Variants in MAP2K5 observed in about 807,000 individuals in gnomAD.
MAP2K5 encodes dual specificity mitogen-activated protein kinase kinase 5.
In MAP2K5, 49 loss-of-function variants were observed where a neutral mutation model predicts 83.1. That is an observed-to-expected ratio of 0.59 (90% CI 0.47 to 0.75). The LOEUF is 0.75. MAP2K5 is among the 30% of genes least tolerant of loss of function. The pLI is 0.00. For synonymous variants in MAP2K5, 202 were observed against 191.8 expected (o/e 1.05, Z -0.44); for missense variants, 457 against 557.5 (o/e 0.82, Z 1.82).
chr15:67,564,754 A>G (rs149742756), intron 3 of MAP2K5, among the ~76,000 whole-genome samples: 5 of 152,362 alleles, frequency 3.3e-5, no homozygotes, highest in African/African-American at 1.2e-4. Context: ...TGAGAATGTG[A>G]CATGCTTATT....
At chr15:67,679,614 A>T (rs1307319018) in intron 13 of MAP2K5, 1 of 152,200 alleles carries the variant, frequency 6.6e-6, no homozygotes, top group Non-Finnish European at 1.5e-5. Flanking sequence ...GGCCTAGAGC[A>T]TATCAGTTCT....
chr15:67,627,648 A>G (rs1287465037), intron 8 of MAP2K5, among the ~76,000 whole-genome samples: 1 of 152,242 alleles, frequency 6.6e-6, no homozygotes, highest in Non-Finnish European at 1.5e-5. Context: ...TCATTTCTAT[A>G]AGTCAGTCAC....
At chr15:67,716,523 AG>A (rs2088829819) in intron 16 of MAP2K5, among the ~76,000 whole-genome samples, 1 of 152,206 alleles carries the variant, frequency 6.6e-6, no homozygotes, top group Non-Finnish European at 1.5e-5. Context: ...TGAGATATCC[AG>A]TGGTAAAAAC....
At chr15:67,752,604 G>C (rs1477066687) in intron 19 of MAP2K5, among the ~76,000 whole-genome samples, 1 of 151,736 alleles carries the variant, frequency 6.6e-6, no homozygotes, top group Non-Finnish European at 1.5e-5. Flanking sequence ...CTTGAACCCA[G>C]GAGGTGGAGG....
chr15:67,578,720 T>G (rs1243693290), intron 3 of MAP2K5, among the ~76,000 whole-genome samples: 1 of 152,154 alleles, frequency 6.6e-6, no homozygotes, highest in Non-Finnish European at 1.5e-5. Flanking sequence ...CCAGTTGATT[T>G]GGCACAGACC....
intron 19 of MAP2K5, among the ~76,000 whole-genome samples, chr15:67,753,701 A>G (rs34001961): frequency 2.0e-5 from 3 of 151,934 alleles, no homozygotes; most frequent in Non-Finnish European, 4.4e-5. Context: ...ACAGAAAATA[A>G]CAATTGGTGA....
intron 13 of MAP2K5, among the ~76,000 whole-genome samples, chr15:67,683,889 AC>A (rs1389655261): frequency 6.6e-6 from 1 of 152,228 alleles, no homozygotes. Context: ...TTATCTTCAA[AC>A]TTTAGACAAC....
At chr15:67,611,464 A>C (rs763077003) in intron 8 of MAP2K5, among the ~76,000 whole-genome samples, 1 of 152,172 alleles carries the variant, frequency 6.6e-6, no homozygotes, top group African/African-American at 2.4e-5. Context: ...TGGAGTCTCA[A>C]GTGAAATGTT....
At position 67,734,838 on chromosome 15, in the gene MAP2K5, GA is replaced by G. The variant is rs748026087; in HGVS notation, c.1074+6899del. 1.7e-3 allele frequency among the ~76,000 whole-genome samples: 251 copies of G among 152,106 alleles called. 1 individual carries two copies. The highest frequency in any genetic ancestry group is 0.014 in the Middle Eastern group (4 of 294). ...TTTGTATGTGAGGTCTTTAATCAAG[GA>G]AAAAATAGCAATGAGTAATCACCCC... On this transcript the variant is annotated intron_variant, in intron 17 of 21. Coordinates refer to ENST00000178640, the MANE Select transcript of MAP2K5 (RefSeq NM_145160.3).
Position 67,746,256 on chromosome 15 carries a change from A to G in MAP2K5, c.1075-1975A>G, listed in dbSNP as rs975199896. On this transcript the variant is annotated intron_variant, in intron 17 of 21. Coordinates refer to ENST00000178640, the MANE Select transcript of MAP2K5 (RefSeq NM_145160.3). The surrounding 1 kb of genome is among the most constrained non-coding windows in gnomAD (Gnocchi z 4.1). ...ATAATCCATTTCTGAATTCATTTCA[A>G]AACCTCTCACTTAGAATGTTTGCTG... Among the ~76,000 whole-genome samples, 13 of 152,204 alleles carry G rather than the reference A, an allele frequency of 8.5e-5. No homozygotes were observed. Among genetic ancestry groups the G allele is most frequent in the African/African-American group, 2.9e-4 (12 of 41,456 alleles).
At chr15:67,611,789 T>C (rs1008921992) in intron 8 of MAP2K5, among the ~76,000 whole-genome samples, 1 of 152,200 alleles carries the variant, frequency 6.6e-6, no homozygotes, top group Non-Finnish European at 1.5e-5. Context: ...ATTTTGGCTC[T>C]AAGAGGAGCT....
Position 67,668,874 on chromosome 15 carries a change from C to T in MAP2K5, c.847+4229C>T, listed in dbSNP as rs2087453910. The stretch of plus-strand genomic sequence containing the variant: ...CCAGGAGTTTTTTTGTATATATGAA[C>T]CTGGTTAGTTTCATTTACTTTCTCC... On this transcript the variant is annotated intron_variant, in intron 13 of 21. Transcript: ENST00000178640. This position sits in a 1 kb window ranked among gnomAD's most constrained non-coding sequence, Gnocchi z 4.0. Among the ~76,000 whole-genome samples, 1 of 150,882 alleles carries T rather than the reference C, an allele frequency of 6.6e-6. No individual in the cohort carries two copies. The highest frequency in any genetic ancestry group is 2.4e-5 in the African/African-American group (1 of 41,074).
chr15:67,733,661 A>G (rs1419411590), intron 17 of MAP2K5, among the ~76,000 whole-genome samples: 1 of 152,240 alleles, frequency 6.6e-6, no homozygotes, highest in African/African-American at 2.4e-5. Flanking sequence ...ATAGAGATCT[A>G]CTTTACTTAA....
intron 19 of MAP2K5, among the ~76,000 whole-genome samples, chr15:67,762,881 T>C (rs1293568980): frequency 6.6e-6 from 1 of 152,164 alleles, no homozygotes; most frequent in Non-Finnish European, 1.5e-5. Flanking sequence ...TTCAGGCCTT[T>C]ACCCCGTGGT....
At chr15:67,773,401 G>A (rs2090178636) in intron 21 of MAP2K5, among the ~76,000 whole-genome samples, 1 of 152,176 alleles carries the variant, frequency 6.6e-6, no homozygotes, top group South Asian at 2.1e-4. Context: ...TTAGGATCGA[G>A]CATTAGTAAA....
rs78945981 is a variant in MAP2K5, at chr15:67,592,912, T to C, written c.432-14T>C. 1.6e-3 allele frequency: 2,623 copies of C among 1,600,084 alleles called. 33 individuals carry two copies. In the African/African-American group the frequency reaches 0.031, roughly 19 times the overall value. ...TTGATGATCTTGCCACTAAAAATTA[T>C]CTTTCCTTTTCAGCTTAAAGAAGTC... On this transcript the variant is annotated splice_polypyrimidine_tract_variant and intron_variant, in intron 6 of 21. Coordinates refer to ENST00000178640, the MANE Select transcript of MAP2K5 (RefSeq NM_145160.3).
At chr15:67,547,077 A>AACACACACACACACAC (rs59269114) in intron 1 of MAP2K5, among the ~76,000 whole-genome samples, 6,699 of 144,064 alleles carry the variant, frequency 0.047, 163 homozygotes, top group African/African-American at 0.059. Context: ...AAAAGAAGAA[A>AACACACACACACACAC]ACACACACAC....
chr15:67,683,813 A>T (rs552700042), intron 13 of MAP2K5, among the ~76,000 whole-genome samples: 1 of 152,318 alleles, frequency 6.6e-6, no homozygotes, highest in East Asian at 1.9e-4. Context: ...CTGCCCATGG[A>T]GTCACTGCTG....
intron 3 of MAP2K5, among the ~76,000 whole-genome samples, chr15:67,579,958 C>CT (rs971792741): frequency 1.6e-4 from 24 of 152,140 alleles, no homozygotes; most frequent in African/African-American, 5.5e-4. Flanking sequence ...TATTTTTCCA[C>CT]TAGGAGCATC....
Sources: gnomAD v4.1 joint callset for allele counts (sites outside exome capture counted in the v4.1 genomes callset) on GRCh38, gnomAD v4.1.1 for gene constraint, Gnocchi (gnomAD v3.1) non-coding constraint, MANE v1.5 for transcripts, NCBI Gene and HGNC (gene_info 2026-07-23, HGNC 2026-07-21) for gene names.